The following RAE1 variants were observed in gnomAD, a reference collection of about 807,000 sequenced individuals.
RAE1 encodes the protein mRNA export factor RAE1.
In RAE1, 13 loss-of-function variants were observed where a neutral mutation model predicts 52.7. The observed-to-expected ratio is 0.25, with a 90% CI of 0.16 to 0.39. RAE1 has a LOEUF of 0.39. RAE1 is among the 10% of genes least tolerant of loss of function. The pLI is 1.00. For missense variants in RAE1, 262 were observed against 459.8 expected (o/e 0.57, Z 3.93); for synonymous variants, 164 against 153.1 (o/e 1.07, Z -0.52).
At chr20:57,370,438 T>A (rs1463909620) in intron 8 of RAE1, among the ~76,000 whole-genome samples, 1 of 152,134 alleles carries the variant, frequency 6.6e-6, no homozygotes, top group African/African-American at 2.4e-5. Context: ...TCCACAGACA[T>A]CTCCCTAAGC....
At chr20:57,362,369 A>G (rs1388420756) in intron 4 of RAE1, among the ~76,000 whole-genome samples, 1 of 152,238 alleles carries the variant, frequency 6.6e-6, no homozygotes, top group Non-Finnish European at 1.5e-5. Context: ...ATTAATAGAT[A>G]TATGAAAAGT....
At position 57,379,038 on chromosome 20, in the gene RAE1, A is replaced by G. The variant is rs913753641; in HGVS notation, c.*939A>G. 6.6e-6 allele frequency: 1 copy of G among 152,180 alleles called. No homozygotes were observed. The highest frequency in any genetic ancestry group is 1.5e-5 in the Non-Finnish European group (1 of 68,038). The allele number at this position is 152,180 out of a possible 1,614,324, so 9.4% of individuals were successfully genotyped here. On this transcript the variant is annotated 3_prime_UTR_variant, in exon 12 of 12. Transcript: ENST00000395841. ...AAAAAGTGTGACTTTTGGGTCTGTC[A>G]CTGTATTTCTCACCTGTGATCTCAA...
rs1260247202 is a variant in RAE1 at position 57,358,998 on chromosome 20, A to G, written c.288+2460A>G. 5.3e-6 allele frequency: 8 copies of G among 1,516,220 alleles called. No homozygotes were observed. The African/African-American group carries it at 5.6e-5, about 11-fold the overall frequency. The allele number at this position is 1,516,220 out of a possible 1,614,324, so 93.9% of individuals were successfully genotyped here. A position where few individuals can be genotyped will look rare whatever the true frequency, so the allele number is the denominator to read the frequency against. On this transcript the variant is annotated intron_variant, in intron 4 of 11. Transcript: ENST00000395841. ...GCCTCTTCACGGATAGATCAATTTC[A>G]CTGGTTGAAAGTAAGAGACAGCTGA...
intron 5 of RAE1, among the ~76,000 whole-genome samples, chr20:57,366,084 C>G (rs2066950249): frequency 6.6e-6 from 1 of 152,176 alleles, no homozygotes; most frequent in Non-Finnish European, 1.5e-5. Context: ...TCATTGATCT[C>G]TTAATTCCCA....
At chr20:57,375,377 C>G (rs1243085569) in intron 11 of RAE1, among the ~76,000 whole-genome samples, 1 of 152,178 alleles carries the variant, frequency 6.6e-6, no homozygotes, top group Admixed American at 6.5e-5. Context: ...CCACCCCACT[C>G]TGCCCTTTGC....
In RAE1 at chr20:57,366,896, A is replaced by ATAATG. The variant is rs746886629; in HGVS notation, c.462+5_462+9dup. 6.2e-7 allele frequency: 1 copy of ATAATG among 1,608,382 alleles called. No homozygotes were observed. Among genetic ancestry groups the ATAATG allele is most frequent in the Non-Finnish European group, 8.5e-7 (1 of 1,174,752 alleles). ...GGAGCTGGGATAAGACTTTAAAGGTATAATGTGCAGTTGAGGCATTGTTTG... is the reference window on the plus strand; with the variant it reads ...GGAGCTGGGATAAGACTTTAAAGGTATAATGTAATGTGCAGTTGAGGCATTGTTTG... On this transcript the variant is annotated splice_donor_region_variant and intron_variant, in intron 6 of 11. Coordinates refer to ENST00000395841, the MANE Select transcript of RAE1 (RefSeq NM_003610.4).
rs1600718135 is a variant in RAE1, at chr20:57,365,393, C to G, written c.326C>G (p.Thr109Ser). The G allele has an allele frequency of 6.2e-7, 1 of 1,610,698 alleles. No homozygotes were observed. The highest frequency in any genetic ancestry group is 1.3e-5 in the African/African-American group (1 of 74,952). ...SKVFTASCDKTAKMWDLSSNQ... is the reference protein window; with the variant it reads ...SKVFTASCDKSAKMWDLSSNQ... Reference sequence around the variant, plus strand: ...GTGTTTACGGCATCGTGTGATAAAACTGCCAAAATGTGGGACCTCAGCAGT... The same window carrying G: ...GTGTTTACGGCATCGTGTGATAAAAGTGCCAAAATGTGGGACCTCAGCAGT... The change falls in exon 5 of 12, where the codon ACT becomes AGT. Residue 109 changes from threonine to serine, a missense_variant. By Grantham distance (58) the Thr-to-Ser change is moderately conservative (BLOSUM62 1). Transcript: ENST00000395841.
In RAE1 at chr20:57,378,133, C is replaced by T. The variant is rs961115246; in HGVS notation, c.*34C>T. 1.3e-6 allele frequency: 2 copies of T among 1,521,500 alleles called. No homozygotes were observed. Among genetic ancestry groups the T allele is most frequent in the Admixed American group, 1.8e-5 (1 of 55,288 alleles). The allele number at this position is 1,521,500 out of a possible 1,614,324, so 94.2% of individuals were successfully genotyped here. On this transcript the variant is annotated 3_prime_UTR_variant, in exon 12 of 12. Coordinates refer to ENST00000395841, the MANE Select transcript of RAE1 (RefSeq NM_003610.4). ...GACTCTGGCTCAGCCAGAGTTGTTT[C>T]TCTCCACTCTGCCTCATCTCTGTAC... is the stretch of plus-strand genomic sequence containing the variant.
chr20:57,354,875 G>A lies in RAE1; in HGVS notation c.195+59G>A. The A allele has an allele frequency of 3.8e-6, 5 of 1,302,596 alleles. No individual in the cohort carries two copies. The South Asian group carries it at 7.2e-5, about 19-fold the overall frequency. 80.7% of individuals were successfully genotyped at this position (1,302,596 alleles called of 1,614,324 possible). ...ATCTCTCTTTGTATGGCCAAGGTTAGCTTTAGCTCCGTTGTTTCCCAAGTA... is the reference window on the plus strand; with the variant it reads ...ATCTCTCTTTGTATGGCCAAGGTTAACTTTAGCTCCGTTGTTTCCCAAGTA... On this transcript the variant is annotated intron_variant, in intron 3 of 11. Coordinates refer to ENST00000395841, the MANE Select transcript of RAE1 (RefSeq NM_003610.4).
At chr20:57,353,293 G>A (rs1234328151) in intron 1 of RAE1, among the ~76,000 whole-genome samples, 1 of 152,216 alleles carries the variant, frequency 6.6e-6, no homozygotes, top group Non-Finnish European at 1.5e-5. Context: ...AGCAGCCCTG[G>A]AGAATGTGTT....
chr20:57,373,678 C>T lies in RAE1; in HGVS notation c.765C>T (p.Phe255=), dbSNP rs1416099158. Residue 255 remains phenylalanine, a synonymous_variant, in exon 10 of 12, where the codon TTC becomes TTT. Transcript: ENST00000395841. ...TGTCTTTCAGCGCCAAAGATAACTT[C>T]ACCTTTAAATGTCATCGATCTAATG... ...INPPNPAKDN[F]TFKCHRSNGT... 1 of 1,614,068 alleles carries T rather than the reference C, an allele frequency of 6.2e-7. No individual in the cohort carries two copies. Among genetic ancestry groups the T allele is most frequent in the East Asian group, 2.2e-5 (1 of 44,900 alleles).
chr20:57,356,552 C>T lies in RAE1; in HGVS notation c.288+14C>T, dbSNP rs771372223. The T allele has an allele frequency of 6.3e-7, 1 of 1,592,756 alleles. No individual in the cohort carries two copies. The highest frequency in any genetic ancestry group is 1.7e-5 in the Admixed American group (1 of 59,440). ...TGCTGGAGTGACGTACGTTCCCTTC[C>T]ATTTCTCGTGTTCCATTTTACTTAA... On this transcript the variant is annotated intron_variant, in intron 4 of 11. Coordinates refer to ENST00000395841, the MANE Select transcript of RAE1 (RefSeq NM_003610.4).
intron 4 of RAE1, among the ~76,000 whole-genome samples, chr20:57,364,287 C>T (rs2066925810): frequency 6.6e-6 from 1 of 152,114 alleles, no homozygotes; most frequent in Admixed American, 6.5e-5. Flanking sequence ...TATGTCTGCA[C>T]GTGTCCACTG....
chr20:57,373,115 G>T, intron 8 of RAE1: 1 of 261,106 alleles, frequency 3.8e-6, no homozygotes, highest in Non-Finnish European at 7.4e-6. Context: ...GAAGCTTCGG[G>T]TGACCTCCTG....
At chr20:57,364,056 G>A (rs2066922817) in intron 4 of RAE1, among the ~76,000 whole-genome samples, 1 of 152,238 alleles carries the variant, frequency 6.6e-6, no homozygotes, top group South Asian at 2.1e-4. Context: ...TACAGGAAGA[G>A]TCGGAGCTAC....
At chr20:57,355,120 AC>A (rs2066765684) in intron 3 of RAE1, among the ~76,000 whole-genome samples, 1 of 152,240 alleles carries the variant, frequency 6.6e-6, no homozygotes, top group South Asian at 2.1e-4. Context: ...AGTGGCACAC[AC>A]CAACAAATTC....
At chr20:57,374,269 C>G (rs1304659796) in intron 10 of RAE1, among the ~76,000 whole-genome samples, 1 of 152,204 alleles carries the variant, frequency 6.6e-6, no homozygotes, top group African/African-American at 2.4e-5. Flanking sequence ...AGAGTCTTCT[C>G]CCTCCCTCAG....
chr20:57,354,568 C>T, intron 2 of RAE1, 144 bp from the exon 3 acceptor site: 1 of 554,242 alleles, frequency 1.8e-6, no homozygotes, highest in South Asian at 2.8e-5. Flanking sequence ...TTACTCCTGT[C>T]TTTGATCAAA....
At chr20:57,368,014 CG>C (rs2066982398) in intron 7 of RAE1, among the ~76,000 whole-genome samples, 2 of 152,092 alleles carry the variant, frequency 1.3e-5, no homozygotes, top group South Asian at 4.1e-4. Flanking sequence ...TTCAGCCTCC[CG>C]TTAACTGGGA....
Sources: gnomAD v4.1 joint callset for allele counts (sites outside exome capture counted in the v4.1 genomes callset) on GRCh38, gnomAD v4.1.1 for gene constraint, MANE v1.5 for transcripts, NCBI Gene and HGNC (gene_info 2026-07-23, HGNC 2026-07-21) for gene names.